Variants in SLIT1 observed in about 807,000 individuals in gnomAD.
SLIT1 encodes the protein slit homolog 1 protein.
Under a neutral mutation model 186.1 loss-of-function variants are expected in SLIT1, and 66 were observed. That is an observed-to-expected ratio of 0.35 (90% CI 0.29 to 0.44). The LOEUF (loss-of-function observed/expected upper bound fraction) is 0.44. Among genes scored for constraint, SLIT1 ranks in the 20% least tolerant of loss-of-function variants. The probability of loss-of-function intolerance (pLI) is 1.00; values close to 1 mark genes in which losing one functional copy is unlikely to be tolerated. For missense variants in SLIT1, 1,638 were observed against 2,037.4 expected, an observed-to-expected ratio of 0.80 and a Z score of 3.77; for synonymous variants, 761 against 833.8, an observed-to-expected ratio of 0.91 and a Z score of 1.50.
At chr10:97,020,021 C>T (rs541779331) in intron 26 of SLIT1, among the ~76,000 whole-genome samples, 1 of 151,782 alleles carries the variant, frequency 6.6e-6, no homozygotes, top group Admixed American at 6.6e-5. Flanking sequence ...GTCACCCAGG[C>T]TGCAATGCAC....
chr10:97,150,587 AC>A (rs1849866115), intron 4 of SLIT1, among the ~76,000 whole-genome samples: 1 of 103,074 alleles, frequency 9.7e-6, no homozygotes, highest in African/African-American at 3.7e-5. Flanking sequence ...TTAATCACCC[AC>A]CCCCACCCCT....
At chr10:97,133,643 A>G (rs977189039) in intron 4 of SLIT1, among the ~76,000 whole-genome samples, 6 of 152,182 alleles carry the variant, frequency 3.9e-5, no homozygotes, top group African/African-American at 1.4e-4. Flanking sequence ...TATGATGGTA[A>G]ATTTTATGTT....
intron 27 of SLIT1, 50 bp from the exon 28 acceptor site, chr10:97,018,733 A>G (rs1334784718): frequency 1.6e-5 from 20 of 1,243,136 alleles, no homozygotes; most frequent in South Asian, 1.3e-4. Flanking sequence ...AGGAGTTAGT[A>G]TGAGCCAACA....
intron 22 of SLIT1, 34 bp downstream of exon 22, chr10:97,037,664 G>A: frequency 6.4e-7 from 1 of 1,556,414 alleles, no homozygotes; most frequent in Non-Finnish European, 8.9e-7. Context: ...AGATGCCAAA[G>A]GCCCTCCTGT....
chr10:97,001,064 G>A lies in SLIT1; in HGVS notation c.*48C>T. The A allele has an allele frequency of 6.7e-7, 1 of 1,496,422 alleles. No homozygotes were observed. Among genetic ancestry groups the A allele is most frequent in the Admixed American group, 1.7e-5 (1 of 58,368 alleles). The allele number at this position is 1,496,422 out of a possible 1,614,324, so 92.7% of individuals were successfully genotyped here. A position where few individuals can be genotyped will look rare whatever the true frequency, so the allele number is the denominator to read the frequency against. ...GCTGGCGACTGTCTCCGCTGCTGCAGCGGCTGGGGCCCCTTGCCCGCCCTC... is the reference window on the plus strand; with the variant it reads ...GCTGGCGACTGTCTCCGCTGCTGCAACGGCTGGGGCCCCTTGCCCGCCCTC... On this transcript the variant is annotated 3_prime_UTR_variant, in exon 37 of 37. Transcript: ENST00000266058.
intron 20 of SLIT1, among the ~76,000 whole-genome samples, chr10:97,041,163 T>G (rs1239388560): frequency 6.6e-6 from 1 of 152,174 alleles, no homozygotes; most frequent in Non-Finnish European, 1.5e-5. Flanking sequence ...GAAGCTGTTC[T>G]AGGGGAGAGT....
intron 1 of SLIT1, among the ~76,000 whole-genome samples, chr10:97,178,899 A>T (rs1389096815): frequency 6.6e-6 from 1 of 152,186 alleles, no homozygotes; most frequent in Non-Finnish European, 1.5e-5. Context: ...TTAAAATTTA[A>T]CAAAAAGTTA....
intron 4 of SLIT1, among the ~76,000 whole-genome samples, chr10:97,110,061 C>T (rs1020956414): frequency 2.0e-5 from 3 of 152,178 alleles, no homozygotes; most frequent in Non-Finnish European, 4.4e-5. Flanking sequence ...ACCCAATAAT[C>T]ACTGAAACTA....
chr10:97,077,390 C>T (rs1157538065), intron 4 of SLIT1, among the ~76,000 whole-genome samples: 2 of 152,178 alleles, frequency 1.3e-5, no homozygotes, highest in Non-Finnish European at 2.9e-5. Flanking sequence ...CTCTCCTGCT[C>T]CCCTTCTCTG....
chr10:97,100,573 C>T (rs201261504), intron 4 of SLIT1, among the ~76,000 whole-genome samples: 3 of 151,594 alleles, frequency 2.0e-5, no homozygotes, highest in African/African-American at 7.3e-5. Flanking sequence ...GAGGCAGAGG[C>T]TGCAGTGAGC....
chr10:97,038,337 C>T (rs1369173497), intron 21 of SLIT1, among the ~76,000 whole-genome samples: 1 of 152,212 alleles, frequency 6.6e-6, no homozygotes, highest in Non-Finnish European at 1.5e-5. Flanking sequence ...TTTCCTTGCA[C>T]TCTCATGCCA....
intron 25 of SLIT1, among the ~76,000 whole-genome samples, chr10:97,027,357 C>G (rs1206624903): frequency 1.3e-5 from 2 of 152,236 alleles, no homozygotes; most frequent in Non-Finnish European, 2.9e-5. Flanking sequence ...TGACATATAT[C>G]CCATCAATAC....
intron 4 of SLIT1, among the ~76,000 whole-genome samples, chr10:97,116,691 G>A (rs1849513041): frequency 6.6e-6 from 1 of 152,190 alleles, no homozygotes; most frequent in Non-Finnish European, 1.5e-5. Context: ...AGGGAGAGGG[G>A]CCCAGGTGTT....
intron 25 of SLIT1, among the ~76,000 whole-genome samples, chr10:97,030,312 A>G (rs567617586): frequency 5.6e-4 from 85 of 152,296 alleles, no homozygotes; most frequent in African/African-American, 2.0e-3. Context: ...GCACTGTGTG[A>G]AGTCGGAGGC....
At chr10:97,097,214 G>A (rs187040660) in intron 4 of SLIT1, among the ~76,000 whole-genome samples, 9 of 152,324 alleles carry the variant, frequency 5.9e-5, no homozygotes, top group South Asian at 2.1e-4. Flanking sequence ...ACGCTGATGG[G>A]CCTGAGAAAG....
intron 4 of SLIT1, among the ~76,000 whole-genome samples, chr10:97,095,056 G>A (rs1849273017): frequency 6.6e-6 from 1 of 152,214 alleles, no homozygotes; most frequent in South Asian, 2.1e-4. Flanking sequence ...GCCGAGGCAG[G>A]TGGATCATCT....
chr10:97,087,957 C>A (rs1849184350), intron 4 of SLIT1, among the ~76,000 whole-genome samples: 1 of 151,968 alleles, frequency 6.6e-6, no homozygotes, highest in African/African-American at 2.4e-5. Flanking sequence ...AGAATCGCAC[C>A]CAGCCCCCGA....
intron 4 of SLIT1, among the ~76,000 whole-genome samples, chr10:97,089,673 G>A (rs2636795): frequency 2.0e-5 from 3 of 151,724 alleles, no homozygotes; most frequent in African/African-American, 4.8e-5. Context: ...ACTCATGGCT[G>A]GGGGAGGGAG....
intron 4 of SLIT1, among the ~76,000 whole-genome samples, chr10:97,123,478 A>G (rs112539882): frequency 3.9e-4 from 60 of 152,294 alleles, no homozygotes; most frequent in African/African-American, 1.1e-3. Context: ...AACAAGCCCA[A>G]TGCTAGGCAA....
Sources: gnomAD v4.1 joint callset for allele counts (sites outside exome capture counted in the v4.1 genomes callset) on GRCh38, gnomAD v4.1.1 for gene constraint, MANE v1.5 for transcripts, NCBI Gene and HGNC (gene_info 2026-07-23, HGNC 2026-07-21) for gene names.